DNAJC1: variants seen among roughly 807,000 people sequenced by gnomAD.
DNAJC1 encodes dnaJ homolog subfamily C member 1.
DNAJC1 carries 58 observed loss-of-function variants against 76.6 expected under a neutral mutation model. The observed-to-expected ratio is 0.76, with a 90% CI of 0.61 to 0.94. The LOEUF (loss-of-function observed/expected upper bound fraction) is 0.94. Ranked by LOEUF, DNAJC1 falls within the 40% of genes least tolerant of loss-of-function variation. The probability of loss-of-function intolerance (pLI) is 0.00; values close to 1 mark genes in which losing one functional copy is unlikely to be tolerated. For synonymous variants in DNAJC1, 258 were observed against 267.9 expected (o/e 0.96, Z 0.36); for missense variants, 689 against 677.3 (o/e 1.02, Z -0.19).
chr10:21,864,735 A>T (rs1590021497), intron 8 of DNAJC1, among the ~76,000 whole-genome samples: 1 of 152,114 alleles, frequency 6.6e-6, no homozygotes, highest in East Asian at 1.9e-4. Flanking sequence ...AGTATAAAAG[A>T]AAAAAATTGA....
intron 8 of DNAJC1, among the ~76,000 whole-genome samples, chr10:21,842,164 G>A (rs1835584834): frequency 1.3e-5 from 2 of 151,118 alleles, no homozygotes; most frequent in Admixed American, 6.6e-5. Flanking sequence ...GAGTTAATGG[G>A]TGCAGCACAC....
chr10:21,922,165 A>C (rs1837052863), intron 3 of DNAJC1, among the ~76,000 whole-genome samples: 1 of 152,012 alleles, frequency 6.6e-6, no homozygotes, highest in Admixed American at 6.6e-5. Flanking sequence ...GCAGCTGCTA[A>C]ACTGCCAGTC....
At chr10:21,996,029 T>A (rs769154709) in intron 1 of DNAJC1, among the ~76,000 whole-genome samples, 6 of 152,322 alleles carry the variant, frequency 3.9e-5, no homozygotes, top group Non-Finnish European at 7.4e-5. Context: ...ATAGGGCCCA[T>A]CTTTTACAAT....
chr10:22,002,164 A>T (rs1386962733), intron 1 of DNAJC1, among the ~76,000 whole-genome samples: 2 of 152,208 alleles, frequency 1.3e-5, no homozygotes, highest in Non-Finnish European at 2.9e-5. Context: ...GGGGAAGGGG[A>T]TGTGCATTTC....
Position 21,853,779 on chromosome 10 carries a change from C to T in DNAJC1, c.978+28503G>A, listed in dbSNP as rs1174504609. ...CTCCAGCCTGGGCGACAGAATGAGACTCCATCTCAAAAAAAAAAAAAAAAA... is the reference window on the plus strand; with the variant it reads ...CTCCAGCCTGGGCGACAGAATGAGATTCCATCTCAAAAAAAAAAAAAAAAA... On this transcript the variant is annotated intron_variant, in intron 8 of 11. Coordinates refer to ENST00000376980, the MANE Select transcript of DNAJC1 (RefSeq NM_022365.4). Among the ~76,000 whole-genome samples, 4 of 114,174 alleles carry T rather than the reference C, an allele frequency of 3.5e-5. No individual in the cohort carries two copies. The East Asian group carries it at 1.1e-3, about 30-fold the overall frequency. The allele number at this position is 114,174 out of a possible 152,430, so 74.9% of individuals were successfully genotyped here. A position where few individuals can be genotyped will look rare whatever the true frequency, so the allele number is the denominator to read the frequency against.
intron 1 of DNAJC1, among the ~76,000 whole-genome samples, chr10:21,956,384 C>CTG (rs1409973626): frequency 2.0e-5 from 3 of 151,998 alleles, no homozygotes; most frequent in Non-Finnish European, 4.4e-5. Context: ...AATACATTTA[C>CTG]ATCATACTAT....
At chr10:21,956,171 C>A (rs777370166) in intron 1 of DNAJC1, among the ~76,000 whole-genome samples, 13 of 152,080 alleles carry the variant, frequency 8.5e-5, no homozygotes, top group Non-Finnish European at 1.8e-4. Context: ...ACACAGAGGG[C>A]AAGAGAGCAC....
At position 21,869,430 on chromosome 10, in the gene DNAJC1, C is replaced by G. The variant is rs1286591524; in HGVS notation, c.978+12852G>C. Among the ~76,000 whole-genome samples, 2 of 152,040 alleles carry G rather than the reference C, an allele frequency of 1.3e-5. 1 individual carries two copies. The highest frequency in any genetic ancestry group is 4.8e-5 in the African/African-American group (2 of 41,324). ...ATCTTTGACTTGGAAGCCCCTACTT[C>G]GAAATGTCCTGACATTCTGAGCTAA... On this transcript the variant is annotated intron_variant, in intron 8 of 11. Transcript: ENST00000376980.
intron 8 of DNAJC1, among the ~76,000 whole-genome samples, chr10:21,820,433 C>A (rs1236981882): frequency 1.3e-5 from 2 of 152,188 alleles, no homozygotes; most frequent in Admixed American, 1.3e-4. Flanking sequence ...CTTGGGTATA[C>A]ACCTGGGAAA....
chr10:21,913,722 T>C (rs184469477), intron 6 of DNAJC1, among the ~76,000 whole-genome samples: 1 of 152,180 alleles, frequency 6.6e-6, no homozygotes, highest in African/African-American at 2.4e-5. Context: ...TCCAAGAGAA[T>C]GTGTACTTTC....
chr10:21,969,149 G>T (rs552323286), intron 1 of DNAJC1, among the ~76,000 whole-genome samples: 1 of 150,908 alleles, frequency 6.6e-6, no homozygotes, highest in Non-Finnish European at 1.5e-5. Flanking sequence ...GCTTGAACCC[G>T]GGAGGCAGAG....
intron 6 of DNAJC1, among the ~76,000 whole-genome samples, chr10:21,915,986 A>C (rs1339693196): frequency 6.6e-6 from 1 of 152,018 alleles, no homozygotes; most frequent in East Asian, 1.9e-4. Context: ...CTAAAAAATA[A>C]AAATTAAATT....
intron 8 of DNAJC1, among the ~76,000 whole-genome samples, chr10:21,861,369 C>T (rs1045006546): frequency 6.6e-6 from 1 of 152,018 alleles, no homozygotes; most frequent in Non-Finnish European, 1.5e-5. Flanking sequence ...GGATAAACAG[C>T]AAATCCTAAT....
intron 8 of DNAJC1, among the ~76,000 whole-genome samples, chr10:21,833,297 C>A (rs1184360308): frequency 6.6e-6 from 1 of 151,860 alleles, no homozygotes; most frequent in South Asian, 2.1e-4. Context: ...CAGTGAAACC[C>A]CATCTCTACT....
At chr10:21,895,981 C>A (rs542083101) in intron 7 of DNAJC1, among the ~76,000 whole-genome samples, 1 of 152,194 alleles carries the variant, frequency 6.6e-6, no homozygotes, top group African/African-American at 2.4e-5. Flanking sequence ...AAGCAGTAAA[C>A]CTTGGTGGCA....
chr10:21,880,282 ACTT>A (rs1836252038), intron 8 of DNAJC1, among the ~76,000 whole-genome samples: 1 of 152,300 alleles, frequency 6.6e-6, no homozygotes, highest in African/African-American at 2.4e-5. Flanking sequence ...ATTAGAATAA[ACTT>A]CTTCTAATCT....
intron 1 of DNAJC1, among the ~76,000 whole-genome samples, chr10:21,985,302 T>A (rs1053859485): frequency 1.3e-5 from 2 of 148,500 alleles, no homozygotes; most frequent in African/African-American, 5.0e-5. Context: ...CAGGCTGGAG[T>A]GCAGGGGCAC....
At chr10:21,983,540 C>A (rs1025594794) in intron 1 of DNAJC1, among the ~76,000 whole-genome samples, 1 of 151,660 alleles carries the variant, frequency 6.6e-6, no homozygotes, top group Non-Finnish European at 1.5e-5. Flanking sequence ...GCCTGTCAAA[C>A]GAAGACCTGT....
chr10:21,873,473 G>C (rs1224078895), intron 8 of DNAJC1, among the ~76,000 whole-genome samples: 1 of 152,102 alleles, frequency 6.6e-6, no homozygotes, highest in Non-Finnish European at 1.5e-5. Flanking sequence ...GTAATCAAAA[G>C]TGGTGAAAAA....
Sources: allele counts gnomAD v4.1 joint callset (sites outside exome capture counted in the v4.1 genomes callset), GRCh38; gene constraint gnomAD v4.1.1; transcripts MANE v1.5; gene names NCBI Gene and HGNC (gene_info 2026-07-23, HGNC 2026-07-21).